The following SBNO2 variants were observed in gnomAD, a reference collection of about 807,000 sequenced individuals.
The protein encoded by SBNO2 is protein strawberry notch homolog 2.
SBNO2 carries 89 observed loss-of-function variants against 146.3 expected under a neutral mutation model. The observed-to-expected ratio is 0.61, with a 90% CI of 0.51 to 0.73. The LOEUF is 0.73. SBNO2 is among the 30% of genes least tolerant of loss of function. SBNO2 has a pLI of 0.00. For missense variants in SBNO2, 2,092 were observed against 2,003.7 expected (o/e 1.04, Z -0.84); for synonymous variants, 1,147 against 892.6 (o/e 1.29, Z -5.08).
At position 1,158,659 on chromosome 19, in the gene SBNO2, G is replaced by A. The variant is rs1171750411; in HGVS notation, c.-126-4257C>T. Among the ~76,000 whole-genome samples the A allele has an allele frequency of 4.6e-5, 7 of 152,174 alleles. No individual in the cohort carries two copies. The highest frequency in any genetic ancestry group is 4.6e-4 in the Admixed American group (7 of 15,280). Reference sequence around the variant, plus strand: ...CCGGGCGAGCGGGCGCGACCGTGGTGATGGAGCCCGGCAGAGGCCACCGCA... The same window carrying A: ...CCGGGCGAGCGGGCGCGACCGTGGTAATGGAGCCCGGCAGAGGCCACCGCA... On this transcript the variant is annotated intron_variant, in intron 1 of 31. Coordinates refer to ENST00000361757, the MANE Select transcript of SBNO2 (RefSeq NM_014963.3). The surrounding 1 kb of genome is among the most constrained non-coding windows in gnomAD (Gnocchi z 9.9).
rs8100323 is a variant in SBNO2, at chr19:1,136,945, G to T, written c.280-9180C>A. On this transcript the variant is annotated intron_variant, in intron 4 of 31. Transcript: ENST00000361757. This position sits in a 1 kb window ranked among gnomAD's most constrained non-coding sequence, Gnocchi z 4.2. ...GGGATGGATGCCCGGCAGGTGGAGA[G>T]GTCCTCACAGGACAGGTGGTGGGCA... 0.036 allele frequency among the ~76,000 whole-genome samples: 5,448 copies of T among 151,728 alleles called. 350 individuals are homozygous for T. The highest frequency in any genetic ancestry group is 0.12 in the African/African-American group (5,149 of 41,284).
At chr19:1,142,308 C>T (rs965214619) in intron 4 of SBNO2, among the ~76,000 whole-genome samples, 1 of 74,760 alleles carries the variant, frequency 1.3e-5, no homozygotes, top group African/African-American at 4.4e-5. Flanking sequence ...CCTCCCTCCC[C>T]AGGCCGTGAA....
Position 1,117,332 on chromosome 19 carries a change from C to A in SBNO2, c.1695G>T (p.Ala565=), listed in dbSNP as rs532156386. 5 of 1,567,248 alleles carry A rather than the reference C, an allele frequency of 3.2e-6. No individual in the cohort carries two copies. Among genetic ancestry groups the A allele is most frequent in the Non-Finnish European group, 4.3e-6 (5 of 1,157,376 alleles). The change falls in exon 15 of 32, where the codon GCG becomes GCT. Residue 565 remains alanine, a synonymous_variant. Coordinates refer to ENST00000361757, the MANE Select transcript of SBNO2 (RefSeq NM_014963.3). The part of the protein sequence containing the change: ...RLVELAREEL[A]RDKCVVIGLQ... ...GGCCGCAGCCGCTCACCTTGTCTCGCGCCAGCTCCTCTCGGGCCAGCTCCA... is the reference window on the plus strand; with the variant it reads ...GGCCGCAGCCGCTCACCTTGTCTCGAGCCAGCTCCTCTCGGGCCAGCTCCA...
In SBNO2 at chr19:1,142,823, C is replaced by T. The variant is rs181541827; in HGVS notation, c.279+4486G>A. Among the ~76,000 whole-genome samples, 359 of 152,234 alleles carry T rather than the reference C, an allele frequency of 2.4e-3. 1 individual carries two copies. Among genetic ancestry groups the T allele is most frequent in the African/African-American group, 8.1e-3 (335 of 41,540 alleles). Reference sequence around the variant, plus strand: ...CTCTACTAAAAATATAAAAATTAGCCGGGCGTGGTGGTGGGTGCCTGTAGT... The same window carrying T: ...CTCTACTAAAAATATAAAAATTAGCTGGGCGTGGTGGTGGGTGCCTGTAGT... On this transcript the variant is annotated intron_variant, in intron 4 of 31. Coordinates refer to ENST00000361757, the MANE Select transcript of SBNO2 (RefSeq NM_014963.3).
chr19:1,164,744 C>T (rs558788124), intron 1 of SBNO2, among the ~76,000 whole-genome samples: 1 of 48,312 alleles, frequency 2.1e-5, no homozygotes, highest in Non-Finnish European at 3.9e-5. Flanking sequence ...GGAGGAGGAA[C>T]AGGTGCTAGG....
Position 1,136,701 on chromosome 19 carries a change from G to A in SBNO2, c.280-8936C>T, listed in dbSNP as rs557371520. 1.8e-4 allele frequency among the ~76,000 whole-genome samples: 28 copies of A among 152,300 alleles called. No homozygotes were observed. The East Asian group carries it at 5.4e-3, about 29-fold the overall frequency. ...ATGCCAGTAACTGTGGGGGCTCCGT[G>A]GTGCCGGATGGGCCGAGGCATCTGA... is the stretch of plus-strand genomic sequence containing the variant. On this transcript the variant is annotated intron_variant, in intron 4 of 31. Transcript: ENST00000361757. This position sits in a 1 kb window ranked among gnomAD's most constrained non-coding sequence, Gnocchi z 4.2.
rs773576513 is a variant in SBNO2, at chr19:1,112,271, G to T, written c.2546C>A (p.Ala849Glu). Residue 849 changes from alanine (A) to glutamate (E), a missense_variant, in exon 22 of 32, where the codon GCG (alanine) becomes GAG (glutamate). Transcript: ENST00000361757. This position sits in a 1 kb window ranked among gnomAD's most constrained non-coding sequence, Gnocchi z 5.9. ...CGAGATGAGGAAGACATACTCTGGC[G>T]CGGAGACCTGGTTGGACCGGTGGGT... The part of the protein sequence containing the change: ...GRTHRSNQVS[A>E]PEYVFLISEL... 1.3e-6 allele frequency: 2 copies of T among 1,590,672 alleles called. No homozygotes were observed. Among genetic ancestry groups the T allele is most frequent in the East Asian group, 2.3e-5 (1 of 43,868 alleles).
In SBNO2 at chr19:1,112,152, C is replaced by T. The variant is rs1157722884; in HGVS notation, c.2628+37G>A. 3 of 1,591,984 alleles carry T rather than the reference C, an allele frequency of 1.9e-6. No homozygotes were observed. The highest frequency in any genetic ancestry group is 1.3e-5 in the African/African-American group (1 of 74,716). On this transcript the variant is annotated intron_variant, in intron 22 of 31. Transcript: ENST00000361757. This position sits in a 1 kb window ranked among gnomAD's most constrained non-coding sequence, Gnocchi z 5.9. The stretch of plus-strand genomic sequence containing the variant: ...AAAGCTTTGGAGAGCCTTCCTGGGC[C>T]TGTCCCTGGTTCTCAGCCCCACCCC...
chr19:1,164,972 CAGG>C (rs1259604106), intron 1 of SBNO2, among the ~76,000 whole-genome samples: 9 of 68,962 alleles, frequency 1.3e-4, no homozygotes, highest in South Asian at 4.3e-4. Flanking sequence ...GGAGGAGGAA[CAGG>C]AGGAGGAGGA....
intron 1 of SBNO2, among the ~76,000 whole-genome samples, chr19:1,156,603 T>C (rs1201141234): frequency 6.6e-6 from 1 of 152,034 alleles, no homozygotes; most frequent in Non-Finnish European, 1.5e-5. Flanking sequence ...CAGCCCAGTG[T>C]CCACGGATAG....
Position 1,112,251 on chromosome 19 carries a change from T to A in SBNO2, c.2566A>T (p.Ile856Phe). 6.3e-7 allele frequency: 1 copy of A among 1,593,280 alleles called. No individual in the cohort carries two copies. The highest frequency in any genetic ancestry group is 8.5e-7 in the Non-Finnish European group (1 of 1,170,546). ...CGGCGCTCCCCGGCCAGCTCCGAGATGAGGAAGACATACTCTGGCGCGGAG... is the reference window on the plus strand; with the variant it reads ...CGGCGCTCCCCGGCCAGCTCCGAGAAGAGGAAGACATACTCTGGCGCGGAG... ...QVSAPEYVFLISELAGERRFA... is the reference protein window; with the variant it reads ...QVSAPEYVFLFSELAGERRFA... Residue 856 changes from isoleucine to phenylalanine, a missense_variant, in exon 22 of 32, where the codon ATC becomes TTC. Physicochemically the swap from Ile to Phe is conservative, Grantham distance 21 (BLOSUM62 0). Coordinates refer to ENST00000361757, the MANE Select transcript of SBNO2 (RefSeq NM_014963.3). The surrounding 1 kb of genome is among the most constrained non-coding windows in gnomAD (Gnocchi z 5.9).
intron 1 of SBNO2, among the ~76,000 whole-genome samples, chr19:1,159,501 CA>C (rs1195520954): frequency 3.3e-4 from 14 of 42,484 alleles, no homozygotes; most frequent in Non-Finnish European, 4.5e-4. Context: ...AGTGGGGGGA[CA>C]GGGGGCAGCA....
intron 4 of SBNO2, among the ~76,000 whole-genome samples, chr19:1,137,151 G>A (rs531621039): frequency 6.9e-6 from 1 of 144,960 alleles, no homozygotes; most frequent in South Asian, 2.3e-4. Flanking sequence ...AATGTCCTGT[G>A]TAGGGGCACA....
intron 4 of SBNO2, among the ~76,000 whole-genome samples, chr19:1,146,731 G>A (rs964782494): frequency 7.0e-6 from 1 of 143,064 alleles, no homozygotes; most frequent in African/African-American, 2.7e-5. Flanking sequence ...GGTGGGGGTG[G>A]GGTCCGCCTG....
At chr19:1,168,202 T>C (rs570810819) in intron 1 of SBNO2, among the ~76,000 whole-genome samples, 5 of 152,098 alleles carry the variant, frequency 3.3e-5, no homozygotes, top group Non-Finnish European at 5.9e-5. Flanking sequence ...CGGGGCAGCG[T>C]TGGGTGCCCA....
chr19:1,171,676 T>C (rs993357410), intron 1 of SBNO2, among the ~76,000 whole-genome samples: 34 of 152,118 alleles, frequency 2.2e-4, no homozygotes, highest in African/African-American at 7.7e-4. Flanking sequence ...GGGGCATCCG[T>C]GACTCCGCTG....
At chr19:1,162,848 G>A (rs1469475364) in intron 1 of SBNO2, among the ~76,000 whole-genome samples, 1 of 152,258 alleles carries the variant, frequency 6.6e-6, no homozygotes, top group East Asian at 1.9e-4. Context: ...ACAGCGTTCA[G>A]TGGGAAGAGA....
intron 17 of SBNO2, chr19:1,115,817 G>A: frequency 3.3e-6 from 2 of 606,104 alleles, no homozygotes; most frequent in South Asian, 3.8e-5. Flanking sequence ...GCTGTCTGTT[G>A]CTTCCTCTTC....
At chr19:1,119,469 C>T (rs750229413) in intron 13 of SBNO2, 47 bp downstream of exon 13, 1 of 1,412,708 alleles carries the variant, frequency 7.1e-7, no homozygotes, top group Middle Eastern at 1.8e-4. Flanking sequence ...CTGAGGCCTC[C>T]TCCCCACCCC....
Sources: allele counts gnomAD v4.1 joint callset (sites outside exome capture counted in the v4.1 genomes callset), GRCh38; gene constraint gnomAD v4.1.1; non-coding constraint Gnocchi (gnomAD v3.1); transcripts MANE v1.5; gene names NCBI Gene and HGNC (gene_info 2026-07-23, HGNC 2026-07-21).